Variants in CNTN5 observed in about 807,000 individuals in gnomAD.
CNTN5 encodes the protein contactin-5.
CNTN5 carries 77 observed loss-of-function variants against 129.1 expected under a neutral mutation model. That is an observed-to-expected ratio of 0.60 (90% CI 0.50 to 0.72). CNTN5 has a LOEUF of 0.72. CNTN5 is among the 30% of genes least tolerant of loss of function. The probability of loss-of-function intolerance (pLI) is 0.00; values close to 1 mark genes in which losing one functional copy is unlikely to be tolerated. For synonymous variants in CNTN5, 509 were observed against 465.6 expected, an observed-to-expected ratio of 1.09 and a Z score of -1.20; for missense variants, 1,478 against 1,328.8, an observed-to-expected ratio of 1.11 and a Z score of -1.75.
chr11:99,714,853 GA>G (rs10699540), intron 3 of CNTN5, among the ~76,000 whole-genome samples: 28,298 of 148,110 alleles, frequency 0.19, 2,858 homozygotes, highest in African/African-American at 0.25. Context: ...AGCTCATGTG[GA>G]AAAAAAAAAA....
intron 6 of CNTN5, among the ~76,000 whole-genome samples, chr11:99,895,923 C>G (rs1443151492): frequency 6.6e-6 from 1 of 152,126 alleles, no homozygotes; most frequent in East Asian, 1.9e-4. Flanking sequence ...TAAGAAGCAG[C>G]TAGACTCCAT....
In CNTN5 at chr11:99,504,456, G is replaced by T. The variant is rs550199689; in HGVS notation, c.-70-51689G>T. On this transcript the variant is annotated intron_variant, in intron 2 of 24. Coordinates refer to ENST00000524871, the MANE Select transcript of CNTN5 (RefSeq NM_014361.4). ...CTTGGGAGGCTGAGGTAGGAGAATC[G>T]CTTGAACCCGGGAGGCGGAGGGTGC... Among the ~76,000 whole-genome samples, 333 of 147,908 alleles carry T rather than the reference G, an allele frequency of 2.3e-3. 1 individual carries two copies. Among genetic ancestry groups the T allele is most frequent in the Non-Finnish European group, 2.0e-3 (134 of 67,530 alleles).
At chr11:99,816,422 G>T (rs1271158397) in intron 3 of CNTN5, among the ~76,000 whole-genome samples, 2 of 152,084 alleles carry the variant, frequency 1.3e-5, no homozygotes, top group Non-Finnish European at 2.9e-5. Flanking sequence ...TGTCCTGGAG[G>T]CACCATAGGC....
At chr11:100,343,045 C>A (rs965035336) in intron 23 of CNTN5, among the ~76,000 whole-genome samples, 2 of 152,074 alleles carry the variant, frequency 1.3e-5, no homozygotes, top group Non-Finnish European at 2.9e-5. Flanking sequence ...CATTAAAAAA[C>A]AGATACCATT....
chr11:99,285,747 G>A (rs1591470498), intron 1 of CNTN5, among the ~76,000 whole-genome samples: 2 of 151,976 alleles, frequency 1.3e-5, no homozygotes, highest in East Asian at 3.9e-4. Flanking sequence ...CATATGAAAA[G>A]CAGAGAAAGG....
chr11:99,239,133 A>G (rs1357360849), intron 1 of CNTN5, among the ~76,000 whole-genome samples: 1 of 151,812 alleles, frequency 6.6e-6, no homozygotes, highest in Non-Finnish European at 1.5e-5. Context: ...TAACTGATGA[A>G]TAAGAATAGG....
At chr11:99,597,287 G>A (rs532386668) in intron 3 of CNTN5, among the ~76,000 whole-genome samples, 59 of 152,216 alleles carry the variant, frequency 3.9e-4, no homozygotes, top group Non-Finnish European at 7.1e-4. Context: ...GTAGCAAGTC[G>A]TCTACAAGTG....
At chr11:99,925,452 A>T (rs920693074) in intron 7 of CNTN5, among the ~76,000 whole-genome samples, 2 of 152,206 alleles carry the variant, frequency 1.3e-5, no homozygotes, top group African/African-American at 4.8e-5. Flanking sequence ...ACACTCCTTC[A>T]TTGTAAACAC....
At chr11:100,149,310 A>T (rs1946965693) in intron 13 of CNTN5, among the ~76,000 whole-genome samples, 1 of 152,180 alleles carries the variant, frequency 6.6e-6, no homozygotes, top group Admixed American at 6.5e-5. Flanking sequence ...GCTAAATGAT[A>T]CTGGTTTTAA....
intron 6 of CNTN5, among the ~76,000 whole-genome samples, chr11:99,883,229 C>A (rs1334476229): frequency 6.6e-6 from 1 of 152,108 alleles, no homozygotes; most frequent in Non-Finnish European, 1.5e-5. Flanking sequence ...GGGTGTATAC[C>A]AAGCAGTGGG....
chr11:100,190,727 CTGTT>C (rs1336651720), intron 13 of CNTN5, among the ~76,000 whole-genome samples: 1,329 of 132,356 alleles, frequency 0.01, 19 homozygotes, highest in African/African-American at 0.034. Flanking sequence ...TGTTTTTATG[CTGTT>C]TTTTTTTTTT....
intron 1 of CNTN5, among the ~76,000 whole-genome samples, chr11:99,082,429 C>T (rs1306026196): frequency 1.6e-4 from 24 of 152,058 alleles, no homozygotes; most frequent in Non-Finnish European, 2.1e-4. Flanking sequence ...GTGATCCGCC[C>T]GCCTCGGCCC....
intron 1 of CNTN5, among the ~76,000 whole-genome samples, chr11:99,127,964 A>T (rs1858727710): frequency 6.6e-6 from 1 of 152,180 alleles, no homozygotes; most frequent in Non-Finnish European, 1.5e-5. Context: ...AATAGTTTTT[A>T]TTTATAAGAT....
intron 1 of CNTN5, among the ~76,000 whole-genome samples, chr11:99,243,418 C>A (rs56749049): frequency 0.017 from 2,590 of 152,008 alleles, 86 homozygotes; most frequent in African/African-American, 0.06. Context: ...CATCTATTTA[C>A]TCTATTGATT....
chr11:99,865,222 T>C (rs1948323264), intron 6 of CNTN5, among the ~76,000 whole-genome samples: 1 of 152,140 alleles, frequency 6.6e-6, no homozygotes, highest in East Asian at 1.9e-4. Context: ...ATTGTAGCAA[T>C]TTTTATGCAG....
chr11:99,530,468 G>A (rs1452139936), intron 2 of CNTN5, among the ~76,000 whole-genome samples: 1 of 140,412 alleles, frequency 7.1e-6, no homozygotes, highest in East Asian at 2.0e-4. Flanking sequence ...TTTTAGTCTA[G>A]GCAATGTACA....
chr11:99,547,370 CA>C (rs1198719518), intron 2 of CNTN5, among the ~76,000 whole-genome samples: 2 of 152,050 alleles, frequency 1.3e-5, no homozygotes, highest in Non-Finnish European at 2.9e-5. Flanking sequence ...TGTGGGCAGA[CA>C]AATCATTTGA....
intron 13 of CNTN5, among the ~76,000 whole-genome samples, chr11:100,126,576 G>A (rs369514644): frequency 2.0e-5 from 3 of 151,842 alleles, no homozygotes; most frequent in Non-Finnish European, 2.9e-5. Context: ...TTTCAAGTTT[G>A]TTTTATCTGA....
rs77507824 is a variant in CNTN5, at chr11:99,777,907, G to C, written c.56-41637G>C. ...ATATATAATACTACATGTGAAAGCA[G>C]TTTAACTGACAACCCCATTAAACAC... On this transcript the variant is annotated intron_variant, in intron 3 of 24. Coordinates refer to ENST00000524871, the MANE Select transcript of CNTN5 (RefSeq NM_014361.4). 7.0e-4 allele frequency among the ~76,000 whole-genome samples: 107 copies of C among 151,958 alleles called. 1 individual carries two copies. Among genetic ancestry groups the C allele is most frequent in the African/African-American group, 2.5e-3 (103 of 41,516 alleles).
Sources: allele counts gnomAD v4.1 joint callset (sites outside exome capture counted in the v4.1 genomes callset), GRCh38; gene constraint gnomAD v4.1.1; transcripts MANE v1.5; gene names NCBI Gene and HGNC (gene_info 2026-07-23, HGNC 2026-07-21).